The following HOMER1 variants were observed in gnomAD, a reference collection of about 807,000 sequenced individuals.
The protein encoded by HOMER1 is homer protein homolog 1.
HOMER1 carries 3 observed loss-of-function variants against 48.9 expected under a neutral mutation model. That is an observed-to-expected ratio of 0.06 (90% CI 0.03 to 0.16). The LOEUF is 0.16. Ranked by LOEUF, HOMER1 falls within the 10% of genes least tolerant of loss-of-function variation. HOMER1 has a pLI of 1.00. For missense variants in HOMER1, 247 were observed against 411.4 expected (o/e 0.60, Z 3.46); for synonymous variants, 134 against 146.4 (o/e 0.92, Z 0.61).
In HOMER1 at chr5:79,391,299, G is replaced by A. The variant is rs1030650218; in HGVS notation, c.876+5524C>T. ...ACCACAGGCATGTGCCACCGCATCC[G>A]GCTAATTTTTTGTAGAGACAAGGTC... On this transcript the variant is annotated intron_variant, in intron 8 of 8. Transcript: ENST00000334082. 3.9e-5 allele frequency among the ~76,000 whole-genome samples: 6 copies of A among 151,928 alleles called. 1 individual carries two copies. The East Asian group carries it at 5.8e-4, about 15-fold the overall frequency.
At chr5:79,465,389 T>C (rs1053923227) in intron 1 of HOMER1, among the ~76,000 whole-genome samples, 1 of 152,030 alleles carries the variant, frequency 6.6e-6, no homozygotes, top group Non-Finnish European at 1.5e-5. Flanking sequence ...TTTTAATCTG[T>C]TGGGTGAACA....
chr5:79,438,334 T>G (rs907516337), intron 5 of HOMER1, among the ~76,000 whole-genome samples: 15 of 152,230 alleles, frequency 9.9e-5, no homozygotes, highest in African/African-American at 3.1e-4. Flanking sequence ...ACAGACCTCC[T>G]TACATCCTAA....
chr5:79,512,640 T>C, intron 1 of HOMER1, 130 bp downstream of exon 1: 1 of 833,510 alleles, frequency 1.2e-6, no homozygotes, highest in Non-Finnish European at 2.0e-6. Flanking sequence ...GCATGCCTAT[T>C]TCTTTAAAGT....
intron 1 of HOMER1, among the ~76,000 whole-genome samples, chr5:79,498,825 C>A (rs1441703363): frequency 2.0e-5 from 3 of 148,122 alleles, no homozygotes; most frequent in African/African-American, 7.5e-5. Context: ...CTTCTACTTG[C>A]AGGTCTCCAC....
intron 3 of HOMER1, among the ~76,000 whole-genome samples, chr5:79,448,882 C>T (rs1371844672): frequency 1.3e-5 from 2 of 151,752 alleles, no homozygotes; most frequent in Non-Finnish European, 2.9e-5. Context: ...AGCTTAAGAG[C>T]TGTTTCCCAA....
chr5:79,482,255 C>T (rs1751970465), intron 1 of HOMER1, among the ~76,000 whole-genome samples: 1 of 151,846 alleles, frequency 6.6e-6, no homozygotes, highest in African/African-American at 2.4e-5. Flanking sequence ...AAAAATAGCA[C>T]CCAATAAGAT....
chr5:79,378,291 G>A (rs577768497), intron 8 of HOMER1, among the ~76,000 whole-genome samples: 1 of 148,730 alleles, frequency 6.7e-6, no homozygotes, highest in South Asian at 2.1e-4. Context: ...GGTTATCTTT[G>A]TCAGTGGTTT....
intron 5 of HOMER1, among the ~76,000 whole-genome samples, chr5:79,431,294 G>C (rs926620359): frequency 3.9e-5 from 6 of 152,270 alleles, no homozygotes; most frequent in African/African-American, 1.4e-4. Flanking sequence ...CTGCACTCCA[G>C]CCTGGGTGAC....
chr5:79,408,418 G>C (rs1044773364), intron 5 of HOMER1, among the ~76,000 whole-genome samples: 1 of 106,142 alleles, frequency 9.4e-6, no homozygotes, highest in Admixed American at 9.8e-5. Context: ...CTTTAAGTGA[G>C]AGTATGACCC....
Position 79,375,953 on chromosome 5 carries a change from C to T in HOMER1, c.*56G>A, listed in dbSNP as rs1315094631. ...AATCTTGATGCAGAGCCTAAACAGT[C>T]CTATGAAGAGAGACAGTGTATCTTT... On this transcript the variant is annotated 3_prime_UTR_variant, in exon 9 of 9. Coordinates refer to ENST00000334082, the MANE Select transcript of HOMER1 (RefSeq NM_004272.5). The T allele has an allele frequency of 2.9e-6, 3 of 1,028,134 alleles. No individual in the cohort carries two copies. Among genetic ancestry groups the T allele is most frequent in the Middle Eastern group, 2.6e-4 (1 of 3,792 alleles). 63.7% of individuals were successfully genotyped at this position (1,028,134 alleles called of 1,614,324 possible).
chr5:79,491,252 C>A lies in HOMER1; in HGVS notation c.5+21518G>T, dbSNP rs928598168. Among the ~76,000 whole-genome samples, 7 of 150,912 alleles carry A rather than the reference C, an allele frequency of 4.6e-5. No individual in the cohort carries two copies. The South Asian group carries it at 1.5e-3, about 32-fold the overall frequency. Reference sequence around the variant, plus strand: ...TTCAAGACCAGCCTGAGCAACATGACAAAACCCCATCTCTACAAAAAATAG... The same window carrying A: ...TTCAAGACCAGCCTGAGCAACATGAAAAAACCCCATCTCTACAAAAAATAG... On this transcript the variant is annotated intron_variant, in intron 1 of 8. Transcript: ENST00000334082.
At chr5:79,465,129 G>T (rs1257042300) in intron 1 of HOMER1, among the ~76,000 whole-genome samples, 1 of 152,024 alleles carries the variant, frequency 6.6e-6, no homozygotes, top group African/African-American at 2.4e-5. Flanking sequence ...TTGAGCCCAT[G>T]AGTTCCAGAC....
At chr5:79,426,857 C>G (rs1481553053) in intron 5 of HOMER1, among the ~76,000 whole-genome samples, 1 of 151,846 alleles carries the variant, frequency 6.6e-6, no homozygotes, top group Non-Finnish European at 1.5e-5. Flanking sequence ...ATTTGACTAC[C>G]CAGATTTGAT....
At position 79,513,607 on chromosome 5, in the gene HOMER1, T is replaced by G. The variant is rs974800509; in HGVS notation, c.-833A>C. 6.9e-6 allele frequency: 1 copy of G among 145,708 alleles called. No individual in the cohort carries two copies. The highest frequency in any genetic ancestry group is 1.5e-5 in the Non-Finnish European group (1 of 66,590). The allele number at this position is 145,708 out of a possible 1,614,324, so 9.0% of individuals were successfully genotyped here. ...TCCCGCCCCCCGCCGCCGAGCACAA[T>G]GGAGCCCGGCTGGTGCCCGGCCCTT... On this transcript the variant is annotated 5_prime_UTR_variant, in exon 1 of 9. Transcript: ENST00000334082.
At chr5:79,409,384 A>G (rs1236905399) in intron 5 of HOMER1, among the ~76,000 whole-genome samples, 1 of 149,956 alleles carries the variant, frequency 6.7e-6, no homozygotes, top group Non-Finnish European at 1.5e-5. Context: ...GTGAGCCAAG[A>G]CTGCTCCGTT....
At chr5:79,499,523 A>AACTT (rs1554063869) in intron 1 of HOMER1, among the ~76,000 whole-genome samples, 151,622 of 152,204 alleles carry the variant, frequency 1, 75,522 homozygotes, top group East Asian at 1. Context: ...AATTTGAAAA[A>AACTT]ACAGGTTAAC....
chr5:79,465,663 G>A (rs1247853615), intron 1 of HOMER1, among the ~76,000 whole-genome samples: 2 of 131,566 alleles, frequency 1.5e-5, no homozygotes, highest in Non-Finnish European at 3.1e-5. Flanking sequence ...TGCAATCTTG[G>A]CTCACTGCAA....
intron 2 of HOMER1, among the ~76,000 whole-genome samples, 156 bp downstream of exon 2, chr5:79,456,706 G>A (rs564225550): frequency 3.9e-5 from 6 of 152,264 alleles, no homozygotes; most frequent in African/African-American, 1.4e-4. Context: ...GACAAAACAT[G>A]TTGCTACCTT....
chr5:79,502,021 A>AT (rs10674187), intron 1 of HOMER1, among the ~76,000 whole-genome samples: 7,132 of 129,936 alleles, frequency 0.055, 297 homozygotes, highest in Middle Eastern at 0.11. Context: ...GGTCCTGATA[A>AT]TTTTTTTTTT....
Sources: allele counts gnomAD v4.1 joint callset (sites outside exome capture counted in the v4.1 genomes callset), GRCh38; gene constraint gnomAD v4.1.1; transcripts MANE v1.5; gene names NCBI Gene and HGNC (gene_info 2026-07-23, HGNC 2026-07-21).